The following AAAS variants were observed in gnomAD, a reference collection of about 807,000 sequenced individuals.
The protein encoded by AAAS is aladin.
In AAAS, 60 loss-of-function variants were observed where a neutral mutation model predicts 75.6. That is an observed-to-expected ratio of 0.79 (90% CI 0.64 to 0.98). AAAS has a LOEUF of 0.98. Ranked by LOEUF, AAAS falls within the 50% of genes least tolerant of loss-of-function variation. The pLI, the probability that AAAS is intolerant of heterozygous loss-of-function variation, is 0.00. For missense variants in AAAS, 658 were observed against 686.9 expected (o/e 0.96, Z 0.47); for synonymous variants, 271 against 265.0 (o/e 1.02, Z -0.22).
rs143929654 is a variant in AAAS at position 53,309,618 on chromosome 12, C to T, written c.793G>A (p.Val265Met). 5 of 1,613,586 alleles carry T rather than the reference C, an allele frequency of 3.1e-6. No individual in the cohort carries two copies. In the African/African-American group the frequency reaches 5.3e-5, roughly 17 times the overall value. Residue 265 changes from valine to methionine, a missense_variant, in exon 8 of 16, where the codon GTG (valine) becomes ATG (methionine). By Grantham distance (21) the Val-to-Met change is conservative. Transcript: ENST00000209873. ...CCACTCACCCGGATAGCAGCATCCA[C>T]GGGTGAAGCTGAGAGCAGCCGCCCC... is the stretch of plus-strand genomic sequence containing the variant. ...SGGRLLSASPVDAAIRVWDVS... is the reference protein window; with the variant it reads ...SGGRLLSASPMDAAIRVWDVS...
chr12:53,308,549 A>C, intron 11 of AAAS, 21 bp from the exon 12 acceptor site: 1 of 1,614,040 alleles, frequency 6.2e-7, no homozygotes, highest in Non-Finnish European at 8.5e-7. Context: ...ATAAGAGCAG[A>C]GAGGTTCTTG....
chr12:53,319,664 C>T (rs1020529428), intron 2 of AAAS, among the ~76,000 whole-genome samples: 18 of 151,350 alleles, frequency 1.2e-4, no homozygotes, highest in Admixed American at 1.3e-4. Context: ...GTTAGCTGGG[C>T]GTGGTGGCAC....
At chr12:53,312,479 C>T (rs1944403609) in intron 7 of AAAS, among the ~76,000 whole-genome samples, 1 of 151,168 alleles carries the variant, frequency 6.6e-6, no homozygotes, top group South Asian at 2.1e-4. Context: ...GCAGAAGAAT[C>T]ACTTGAACCC....
At chr12:53,316,377 C>T (rs535838461) in intron 2 of AAAS, among the ~76,000 whole-genome samples, 1 of 151,322 alleles carries the variant, frequency 6.6e-6, no homozygotes, top group South Asian at 2.1e-4. Context: ...ATCACTTGAA[C>T]CCAGGAAGCG....
In AAAS at chr12:53,308,761, G is replaced by C. The variant is rs753091732; in HGVS notation, c.1051C>G (p.Pro351Ala). Residue 351 changes from proline to alanine, a missense_variant, in exon 11 of 16, where the codon CCA (proline) becomes GCA (alanine). By Grantham distance (27) the Pro-to-Ala change is conservative (BLOSUM62 -1). Coordinates refer to ENST00000209873, the MANE Select transcript of AAAS (RefSeq NM_015665.6). Reference protein sequence around the residue: ...SRLLFTVLGEPLIYSLSFPER... With the variant: ...SRLLFTVLGEALIYSLSFPER... ...GGAAAAGACAGGGAGTAAATCAGTG[G>C]CTCTCCCAATACAGTGAACAGCAGT... 9.3e-6 allele frequency: 15 copies of C among 1,613,958 alleles called. No homozygotes were observed. Among genetic ancestry groups the C allele is most frequent in the Non-Finnish European group, 1.3e-5 (15 of 1,180,054 alleles).
At chr12:53,321,081 C>T (rs1364227729) in intron 1 of AAAS, 5 of 594,018 alleles carry the variant, frequency 8.4e-6, no homozygotes, top group South Asian at 8.2e-5. Flanking sequence ...AGATAGTTCT[C>T]CCGCATCCTC....
chr12:53,310,325 C>T (rs1382350287), intron 7 of AAAS, among the ~76,000 whole-genome samples: 3 of 152,102 alleles, frequency 2.0e-5, no homozygotes, highest in Admixed American at 6.6e-5. Flanking sequence ...TTTGGGAGGC[C>T]GAGGTGGGCG....
chr12:53,308,906 G>A, intron 10 of AAAS, 54 bp downstream of exon 10: 1 of 1,613,256 alleles, frequency 6.2e-7, no homozygotes, highest in Non-Finnish European at 8.5e-7. Flanking sequence ...GAGCATCAGG[G>A]GCCCATTGGA....
Position 53,309,729 on chromosome 12 carries a change from G to A in AAAS, c.690-8C>T. On this transcript the variant is annotated splice_region_variant and splice_polypyrimidine_tract_variant and intron_variant, in intron 7 of 15. Transcript: ENST00000209873. Reference sequence around the variant, plus strand: ...GCACAGCCAGAAGAGGGTCTGGAGGGGAACACAGAGGATGTGGAGTCAGAA... The same window carrying A: ...GCACAGCCAGAAGAGGGTCTGGAGGAGAACACAGAGGATGTGGAGTCAGAA... The A allele has an allele frequency of 6.2e-7, 1 of 1,612,292 alleles. No individual in the cohort carries two copies. The highest frequency in any genetic ancestry group is 8.5e-7 in the Non-Finnish European group (1 of 1,179,446).
chr12:53,309,914 C>A lies in AAAS; in HGVS notation c.690-193G>T, dbSNP rs186071726. On this transcript the variant is annotated intron_variant, in intron 7 of 15. Coordinates refer to ENST00000209873, the MANE Select transcript of AAAS (RefSeq NM_015665.6). Reference sequence around the variant, plus strand: ...GCGAAGGGGAAAAACGACCAAGTCACCACGAGCAGGTCAACAGAGAAGAGG... The same window carrying A: ...GCGAAGGGGAAAAACGACCAAGTCAACACGAGCAGGTCAACAGAGAAGAGG... The A allele has an allele frequency of 4.8e-5, 39 of 815,084 alleles. 1 individual carries two copies. The highest frequency in any genetic ancestry group is 2.2e-4 in the East Asian group (8 of 36,658). The allele number at this position is 815,084 out of a possible 1,614,324, so 50.5% of individuals were successfully genotyped here.
chr12:53,307,598 G>A lies in AAAS; in HGVS notation c.1532C>T (p.Ser511Phe). ...AGTAAAGAGGGGCAGGTCATGAATA[G>A]AGCCTCCACCCCCAGCAGGGGGTTC... ...AQEPPAGGGG[S>F]IHDLPLFTET... Residue 511 changes from serine to phenylalanine, a missense_variant, in exon 16 of 16, where the codon TCT (serine) becomes TTT (phenylalanine). Physicochemically the swap from Ser to Phe is radical, Grantham distance 155 (BLOSUM62 -2). Coordinates refer to ENST00000209873, the MANE Select transcript of AAAS (RefSeq NM_015665.6). 5.0e-6 allele frequency: 8 copies of A among 1,614,208 alleles called. No homozygotes were observed. The highest frequency in any genetic ancestry group is 6.8e-6 in the Non-Finnish European group (8 of 1,180,028).
At chr12:53,318,439 C>T (rs1483697121) in intron 2 of AAAS, among the ~76,000 whole-genome samples, 2 of 152,084 alleles carry the variant, frequency 1.3e-5, no homozygotes, top group East Asian at 1.9e-4. Context: ...TCTCGAACTC[C>T]TGACCTCAAG....
Position 53,308,710 on chromosome 12 carries a change from G to A in AAAS, c.1087+15C>T. The A allele has an allele frequency of 6.2e-7, 1 of 1,613,898 alleles. No homozygotes were observed. Among genetic ancestry groups the A allele is most frequent in the South Asian group, 1.1e-5 (1 of 91,068 alleles). On this transcript the variant is annotated intron_variant, in intron 11 of 15. Coordinates refer to ENST00000209873, the MANE Select transcript of AAAS (RefSeq NM_015665.6). ...CTCTGACCACCCCAAATACTGAAGT[G>A]TTGCCCTAACTCACCACAACGTTCT...
chr12:53,318,528 A>C (rs979885335), intron 2 of AAAS, among the ~76,000 whole-genome samples: 1 of 152,150 alleles, frequency 6.6e-6, no homozygotes, highest in African/African-American at 2.4e-5. Flanking sequence ...CTGCATTTTT[A>C]GATGAGAGAA....
At chr12:53,310,764 T>C (rs1944377512) in intron 7 of AAAS, among the ~76,000 whole-genome samples, 2 of 152,212 alleles carry the variant, frequency 1.3e-5, no homozygotes, top group South Asian at 4.1e-4. Context: ...GTCTTAGTCA[T>C]GGATGTACAA....
chr12:53,320,465 G>A (rs1173965420), intron 2 of AAAS, 100 bp downstream of exon 2: 19 of 1,538,776 alleles, frequency 1.2e-5, no homozygotes, highest in Non-Finnish European at 1.4e-5. Context: ...GAGACAGCCT[G>A]AATAAAAGTC....
chr12:53,314,898 GC>G, intron 5 of AAAS, 49 bp from the exon 6 acceptor site: 2 of 1,562,432 alleles, frequency 1.3e-6, no homozygotes, highest in Non-Finnish European at 1.8e-6. Context: ...CCCTACCCTA[GC>G]CCAGAAGCTC....
chr12:53,315,906 T>TG, intron 2 of AAAS, 124 bp from the exon 3 acceptor site: 2 of 1,035,982 alleles, frequency 1.9e-6, no homozygotes, highest in Non-Finnish European at 3.0e-6. Context: ...GTGCCAACTA[T>TG]GTACCAGGCA....
rs1298263008 is a variant in AAAS at position 53,307,607 on chromosome 12, C to T, written c.1523G>A (p.Gly508Asp). 6.2e-7 allele frequency: 1 copy of T among 1,614,028 alleles called. No individual in the cohort carries two copies. Among genetic ancestry groups the T allele is most frequent in the Non-Finnish European group, 8.5e-7 (1 of 1,180,000 alleles). Residue 508 changes from glycine (G) to aspartate (D), a missense_variant, in exon 16 of 16, where the codon GGT becomes GAT. Physicochemically the swap from Gly to Asp is moderately conservative, Grantham distance 94. Coordinates refer to ENST00000209873, the MANE Select transcript of AAAS (RefSeq NM_015665.6). ...LGRAQEPPAG[G>D]GGSIHDLPLF... ...GGGCAGGTCATGAATAGAGCCTCCACCCCCAGCAGGGGGTTCCTGGGCCCG... is the reference window on the plus strand; with the variant it reads ...GGGCAGGTCATGAATAGAGCCTCCATCCCCAGCAGGGGGTTCCTGGGCCCG...
Sources: gnomAD v4.1 joint callset for allele counts (sites outside exome capture counted in the v4.1 genomes callset) on GRCh38, gnomAD v4.1.1 for gene constraint, MANE v1.5 for transcripts, NCBI Gene and HGNC (gene_info 2026-07-23, HGNC 2026-07-21) for gene names.